The following AP3B1 variants were observed in gnomAD, a reference collection of about 807,000 sequenced individuals.
The protein encoded by AP3B1 is adaptor related protein complex 3 subunit beta 1.
Under a neutral mutation model 132.5 loss-of-function variants are expected in AP3B1, and 61 were observed. The ratio of observed to expected loss-of-function variants is 0.46; its 90% CI spans 0.37 to 0.57. AP3B1 has a LOEUF of 0.57. AP3B1 is among the 20% of genes least tolerant of loss of function. The probability of loss-of-function intolerance (pLI) is 0.00; values close to 1 mark genes in which losing one functional copy is unlikely to be tolerated. For missense variants in AP3B1, 1,120 were observed against 1,289.4 expected, an observed-to-expected ratio of 0.87 and a Z score of 2.01; for synonymous variants, 388 against 438.3, an observed-to-expected ratio of 0.89 and a Z score of 1.43.
chr5:78,257,060 T>C (rs1404333773), intron 2 of AP3B1, among the ~76,000 whole-genome samples: 1 of 152,106 alleles, frequency 6.6e-6, no homozygotes, highest in Non-Finnish European at 1.5e-5. Context: ...TCACAGCTAG[T>C]ATCATTCTGA....
intron 3 of AP3B1, among the ~76,000 whole-genome samples, chr5:78,237,752 G>A (rs1434103123): frequency 6.6e-6 from 1 of 152,198 alleles, no homozygotes; most frequent in Non-Finnish European, 1.5e-5. Flanking sequence ...GGCAGAGGTT[G>A]TAGTGAGCCA....
chr5:78,039,008 T>C (rs1320520375), intron 23 of AP3B1, 35 bp downstream of exon 23: 2 of 1,286,324 alleles, frequency 1.6e-6, no homozygotes, highest in South Asian at 1.3e-5. Context: ...AGTGATCAAA[T>C]ATAGTTAAGG....
At chr5:78,294,301 C>A in intron 1 of AP3B1, 151 bp downstream of exon 1, 16 of 1,088,834 alleles carry the variant, frequency 1.5e-5, no homozygotes, top group Non-Finnish European at 2.1e-5. Context: ...CCAACCAACC[C>A]CACCTACCCA....
intron 22 of AP3B1, 68 bp from the exon 23 acceptor site, chr5:78,039,342 A>G (rs1179027322): frequency 4.0e-6 from 5 of 1,263,568 alleles, no homozygotes; most frequent in Non-Finnish European, 5.8e-6. Context: ...GAAAATATGC[A>G]AACATTTATG....
chr5:78,122,149 C>T (rs1008905919), intron 17 of AP3B1, among the ~76,000 whole-genome samples: 12 of 152,156 alleles, frequency 7.9e-5, no homozygotes, highest in African/African-American at 2.9e-4. Flanking sequence ...TTCAACAACC[C>T]TTCATGCTAA....
At chr5:78,198,272 T>C (rs1307564531) in intron 7 of AP3B1, among the ~76,000 whole-genome samples, 1 of 152,192 alleles carries the variant, frequency 6.6e-6, no homozygotes, top group African/African-American at 2.4e-5. Context: ...TAAAAGTGAC[T>C]TTAACACATC....
At chr5:78,147,263 A>G (rs187697379) in intron 14 of AP3B1, among the ~76,000 whole-genome samples, 2 of 151,792 alleles carry the variant, frequency 1.3e-5, no homozygotes, top group East Asian at 3.9e-4. Flanking sequence ...GTTCCTTTTT[A>G]TCTTGTTAAA....
intron 12 of AP3B1, among the ~76,000 whole-genome samples, chr5:78,164,732 T>C (rs570048042): frequency 4.6e-5 from 7 of 152,146 alleles, no homozygotes; most frequent in Non-Finnish European, 8.8e-5. Context: ...ATATAAATTA[T>C]GGACATGCCA....
Position 78,067,953 on chromosome 5 carries a change from G to A in AP3B1, c.2577+21440C>T, listed in dbSNP as rs550346593. 2.5e-3 allele frequency among the ~76,000 whole-genome samples: 356 copies of A among 141,730 alleles called. 13 individuals carry two copies. In the South Asian group the frequency reaches 0.047, roughly 19 times the overall value. 93.0% of individuals were successfully genotyped at this position (141,730 alleles called of 152,430 possible). A position where few individuals can be genotyped will look rare whatever the true frequency, so the allele number is the denominator to read the frequency against. On this transcript the variant is annotated intron_variant, in intron 22 of 26. Coordinates refer to ENST00000255194, the MANE Select transcript of AP3B1 (RefSeq NM_003664.5). Reference sequence around the variant, plus strand: ...GAGACAGACACATGAAAAACCCTTCGAAAAAAAAAAAATCAATGAATCCAG... The same window carrying A: ...GAGACAGACACATGAAAAACCCTTCAAAAAAAAAAAAATCAATGAATCCAG...
intron 7 of AP3B1, among the ~76,000 whole-genome samples, chr5:78,205,679 C>T (rs1745474695): frequency 1.3e-5 from 2 of 152,036 alleles, no homozygotes. Flanking sequence ...ATGGCTAGAA[C>T]TGTTCAAATT....
intron 15 of AP3B1, among the ~76,000 whole-genome samples, chr5:78,134,515 CG>C (rs1436660811): frequency 6.6e-6 from 1 of 152,014 alleles, no homozygotes; most frequent in Non-Finnish European, 1.5e-5. Context: ...TAAGCAGTAC[CG>C]TTGTTCCATC....
intron 24 of AP3B1, among the ~76,000 whole-genome samples, chr5:78,025,800 T>C (rs1488577431): frequency 6.6e-6 from 1 of 152,212 alleles, no homozygotes; most frequent in African/African-American, 2.4e-5. Flanking sequence ...AATAAATCCT[T>C]ATTTGGTCAT....
chr5:78,250,509 T>C (rs954850236), intron 2 of AP3B1, among the ~76,000 whole-genome samples: 9 of 152,136 alleles, frequency 5.9e-5, no homozygotes, highest in Non-Finnish European at 5.9e-5. Flanking sequence ...AAATTATTGA[T>C]CTTATGAATT....
chr5:78,188,612 C>T (rs1048085864), intron 7 of AP3B1, among the ~76,000 whole-genome samples: 1 of 152,192 alleles, frequency 6.6e-6, no homozygotes, highest in Non-Finnish European at 1.5e-5. Flanking sequence ...AATAGGAATG[C>T]TTTTACACTG....
chr5:78,036,368 T>C (rs1747807480), intron 23 of AP3B1, among the ~76,000 whole-genome samples: 1 of 152,144 alleles, frequency 6.6e-6, no homozygotes, highest in South Asian at 2.1e-4. Context: ...CTAGATTTGC[T>C]CCTATATATT....
chr5:78,193,025 T>C (rs1313885789), intron 7 of AP3B1, among the ~76,000 whole-genome samples: 1 of 152,228 alleles, frequency 6.6e-6, no homozygotes, highest in Non-Finnish European at 1.5e-5. Flanking sequence ...AATTAAGTGG[T>C]AGGATCGAGC....
At chr5:78,267,631 G>T in intron 1 of AP3B1, 36 bp from the exon 2 acceptor site, 1 of 1,255,086 alleles carries the variant, frequency 8.0e-7, no homozygotes, top group Non-Finnish European at 1.2e-6. Context: ...TCCATACTTT[G>T]ATTTTTATAT....
intron 1 of AP3B1, among the ~76,000 whole-genome samples, chr5:78,274,575 G>C (rs1439512997): frequency 6.6e-6 from 1 of 152,018 alleles, no homozygotes; most frequent in Non-Finnish European, 1.5e-5. Context: ...AACTACACCA[G>C]GTACAGCATA....
At chr5:78,269,901 A>T (rs1203445388) in intron 1 of AP3B1, among the ~76,000 whole-genome samples, 1 of 151,548 alleles carries the variant, frequency 6.6e-6, no homozygotes. Flanking sequence ...CTTTAATTTT[A>T]TTATGTTTTT....
Sources: gnomAD v4.1 joint callset for allele counts (sites outside exome capture counted in the v4.1 genomes callset) on GRCh38, gnomAD v4.1.1 for gene constraint, MANE v1.5 for transcripts, NCBI Gene and HGNC (gene_info 2026-07-23, HGNC 2026-07-21) for gene names.